The following MYRIP variants were observed in gnomAD, a reference collection of about 807,000 sequenced individuals.
The protein encoded by MYRIP is myosin VIIA and Rab interacting protein.
A neutral mutation model predicts 98.0 loss-of-function variants in MYRIP; 49 were observed. The observed-to-expected ratio is 0.50, with a 90% confidence interval of 0.40 to 0.63. The LOEUF (loss-of-function observed/expected upper bound fraction) is 0.63, where lower values mean the gene tolerates loss of function less well. Among genes scored for constraint, MYRIP ranks in the 30% least tolerant of loss-of-function variants. MYRIP has a pLI of 0.00. For missense variants in MYRIP, 1,004 were observed against 1,058.2 expected, an observed-to-expected ratio of 0.95 and a Z score of 0.71; for synonymous variants, 404 against 409.5, an observed-to-expected ratio of 0.99 and a Z score of 0.16.
chr3:40,118,957 A>G (rs542407009), intron 3 of MYRIP, among the ~76,000 whole-genome samples: 59 of 151,668 alleles, frequency 3.9e-4, no homozygotes, highest in Middle Eastern at 3.4e-3. Flanking sequence ...TATGTGCCAC[A>G]TTTTCTTAAT....
At chr3:40,159,131 A>G (rs1363685903) in intron 4 of MYRIP, among the ~76,000 whole-genome samples, 3 of 152,102 alleles carry the variant, frequency 2.0e-5, no homozygotes, top group Non-Finnish European at 4.4e-5. Flanking sequence ...AATGGCTGGT[A>G]TCGGTTGTTC....
rs141699389 is a variant in MYRIP at position 39,906,640 on chromosome 3, A to C, written c.110+5714A>C. Among the ~76,000 whole-genome samples the C allele has an allele frequency of 9.1e-3, 1,383 of 152,270 alleles. 26 individuals carry two copies. Among genetic ancestry groups the C allele is most frequent in the African/African-American group, 0.032 (1,327 of 41,550 alleles). On this transcript the variant is annotated intron_variant, in intron 2 of 16. Coordinates refer to ENST00000302541, the MANE Select transcript of MYRIP (RefSeq NM_015460.4). ...GTTATGTAACTCTTGAGAAATTTTC[A>C]AATAGTAGAAAAAAATAACCGGGCA...
intron 3 of MYRIP, among the ~76,000 whole-genome samples, chr3:40,099,471 A>G (rs1314107820): frequency 6.6e-6 from 1 of 152,154 alleles, no homozygotes; most frequent in African/African-American, 2.4e-5. Context: ...GGTTCATAGA[A>G]GCAAAATAAT....
intron 2 of MYRIP, among the ~76,000 whole-genome samples, chr3:39,909,612 G>C (rs12496286): frequency 0.21 from 32,005 of 152,080 alleles, 3,616 homozygotes; most frequent in Middle Eastern, 0.28. Context: ...TGAAGGAGAG[G>C]TGTGTTTGAT....
intron 3 of MYRIP, among the ~76,000 whole-genome samples, chr3:40,057,690 A>G (rs1947912097): frequency 1.3e-5 from 2 of 152,214 alleles, no homozygotes; most frequent in Admixed American, 6.5e-5. Context: ...CTTCTGCACT[A>G]GAAACTTGTG....
At chr3:40,160,011 C>T (rs1325559682) in intron 4 of MYRIP, among the ~76,000 whole-genome samples, 18 of 152,298 alleles carry the variant, frequency 1.2e-4, no homozygotes, top group African/African-American at 4.1e-4. Flanking sequence ...AGTCATTCTC[C>T]GTCCAGCTTT....
intron 2 of MYRIP, among the ~76,000 whole-genome samples, chr3:40,007,710 C>T (rs1946665164): frequency 1.3e-5 from 2 of 152,184 alleles, no homozygotes; most frequent in South Asian, 4.1e-4. Context: ...AAGGAGTTGG[C>T]TTAGATGATT....
chr3:40,147,664 C>T (rs1267374908), intron 3 of MYRIP, among the ~76,000 whole-genome samples: 1 of 152,120 alleles, frequency 6.6e-6, no homozygotes, highest in Non-Finnish European at 1.5e-5. Context: ...TTTTCATTTG[C>T]TTCATAGTTA....
intron 11 of MYRIP, among the ~76,000 whole-genome samples, chr3:40,224,756 C>A (rs576010136): frequency 4.6e-5 from 7 of 152,342 alleles, no homozygotes; most frequent in African/African-American, 1.7e-4. Flanking sequence ...AGAACCCAAA[C>A]CTTCCTAGAG....
At chr3:39,932,071 T>G (rs905059474) in intron 2 of MYRIP, among the ~76,000 whole-genome samples, 1 of 152,146 alleles carries the variant, frequency 6.6e-6, no homozygotes, top group Non-Finnish European at 1.5e-5. Context: ...ATTTACTAGG[T>G]TGTGTTCCAT....
intron 8 of MYRIP, among the ~76,000 whole-genome samples, chr3:40,177,869 T>A (rs1006011507): frequency 2.0e-5 from 3 of 152,106 alleles, no homozygotes; most frequent in Admixed American, 2.0e-4. Flanking sequence ...TGTTCTCCTG[T>A]CTTTTGTCCC....
At chr3:39,865,545 A>G (rs1310102044) in intron 1 of MYRIP, among the ~76,000 whole-genome samples, 1 of 152,212 alleles carries the variant, frequency 6.6e-6, no homozygotes, top group Non-Finnish European at 1.5e-5. Context: ...AAAACAAGGC[A>G]TACCCATGGT....
At chr3:40,126,112 G>A (rs1222170820) in intron 3 of MYRIP, among the ~76,000 whole-genome samples, 1 of 152,108 alleles carries the variant, frequency 6.6e-6, no homozygotes, top group Non-Finnish European at 1.5e-5. Context: ...ACCTTCTCAT[G>A]GGCTCTTAAC....
chr3:39,900,665 A>G, intron 1 of MYRIP, 122 bp from the exon 2 acceptor site: 1 of 505,518 alleles, frequency 2.0e-6, no homozygotes, highest in Non-Finnish European at 3.4e-6. Flanking sequence ...GTCAAGAGAA[A>G]GATACTACCT....
intron 3 of MYRIP, among the ~76,000 whole-genome samples, chr3:40,084,581 A>G (rs1044765433): frequency 2.3e-5 from 3 of 131,792 alleles, no homozygotes; most frequent in Non-Finnish European, 3.3e-5. Context: ...TTATCTATCG[A>G]TAGATAATAC....
At chr3:40,060,585 T>C (rs571772449) in intron 3 of MYRIP, among the ~76,000 whole-genome samples, 197 of 93,176 alleles carry the variant, frequency 2.1e-3, no homozygotes, top group African/African-American at 4.5e-3. Flanking sequence ...TTTTCTTTTT[T>C]TTTCTTTTTT....
At chr3:39,892,358 G>A (rs1194420718) in intron 1 of MYRIP, among the ~76,000 whole-genome samples, 1 of 152,192 alleles carries the variant, frequency 6.6e-6, no homozygotes, top group African/African-American at 2.4e-5. Flanking sequence ...TGAGTGAAAG[G>A]AAGGAAAGTA....
intron 1 of MYRIP, among the ~76,000 whole-genome samples, chr3:39,895,525 T>A (rs180893895): frequency 0.18 from 10,373 of 57,892 alleles, 657 homozygotes; most frequent in African/African-American, 0.46. Context: ...ATATATATAT[T>A]TTTTTTTCGC....
At chr3:40,034,629 T>C (rs1458153825) in intron 2 of MYRIP, among the ~76,000 whole-genome samples, 1 of 149,886 alleles carries the variant, frequency 6.7e-6, no homozygotes, top group Non-Finnish European at 1.5e-5. Context: ...TTGGTGGGAC[T>C]GTAAACTAGT....
Sources: gnomAD v4.1 joint callset for allele counts (sites outside exome capture counted in the v4.1 genomes callset) on GRCh38, gnomAD v4.1.1 for gene constraint, MANE v1.5 for transcripts, NCBI Gene and HGNC (gene_info 2026-07-23, HGNC 2026-07-21) for gene names.